The following FAM163B variants were observed in gnomAD, a reference collection of about 807,000 sequenced individuals.
FAM163B encodes protein FAM163B.
In FAM163B, 4 loss-of-function variants were observed where a neutral mutation model predicts 7.6. That is an observed-to-expected ratio of 0.52 (90% confidence interval 0.26 to 1.20). The LOEUF is 1.20. Among genes scored for constraint, FAM163B ranks in the 50% most tolerant of loss-of-function variants. The probability of loss-of-function intolerance (pLI) is 0.14; values close to 1 mark genes in which losing one functional copy is unlikely to be tolerated. For missense variants in FAM163B, 250 were observed against 243.0 expected (o/e 1.03, Z -0.19); for synonymous variants, 120 against 111.6 (o/e 1.07, Z -0.47).
At chr9:133,592,023 G>A (rs995106189) in intron 1 of FAM163B, among the ~76,000 whole-genome samples, 4 of 152,116 alleles carry the variant, frequency 2.6e-5, no homozygotes, top group African/African-American at 9.7e-5. Flanking sequence ...CCTAGTGCTC[G>A]CGGCCTGGCC....
intron 1 of FAM163B, among the ~76,000 whole-genome samples, chr9:133,589,628 G>GCA (rs567978572): frequency 1.9e-4 from 25 of 132,804 alleles, no homozygotes; most frequent in East Asian, 1.5e-3. Flanking sequence ...GACACAGCGC[G>GCA]CACACACACA....
At chr9:133,580,905 C>A (rs1336009182) in intron 1 of FAM163B, among the ~76,000 whole-genome samples, 1 of 152,186 alleles carries the variant, frequency 6.6e-6, no homozygotes, top group Non-Finnish European at 1.5e-5. Flanking sequence ...AACTGAAAAC[C>A]AATTCCTGCC....
At chr9:133,604,541 A>C (rs1831767297) in intron 1 of FAM163B, among the ~76,000 whole-genome samples, 2 of 152,196 alleles carry the variant, frequency 1.3e-5, no homozygotes. Context: ...CTCTTACTGC[A>C]AGCATGTATT....
At chr9:133,607,380 A>G (rs1399313320) in intron 1 of FAM163B, among the ~76,000 whole-genome samples, 1 of 151,866 alleles carries the variant, frequency 6.6e-6, no homozygotes, top group African/African-American at 2.4e-5. Flanking sequence ...TGTGTTGGGG[A>G]CTCCAGCCTC....
intron 1 of FAM163B, among the ~76,000 whole-genome samples, chr9:133,595,106 A>G (rs1001423819): frequency 1.3e-5 from 2 of 152,126 alleles, no homozygotes; most frequent in African/African-American, 4.8e-5. Context: ...ACGTGCATCG[A>G]GTAGCCTGGG....
intron 1 of FAM163B, among the ~76,000 whole-genome samples, chr9:133,599,395 A>G (rs1002398756): frequency 6.6e-6 from 1 of 152,136 alleles, no homozygotes; most frequent in Non-Finnish European, 1.5e-5. Flanking sequence ...ACCCCACTGC[A>G]AGCCCGACAG....
intron 1 of FAM163B, among the ~76,000 whole-genome samples, chr9:133,607,484 G>A (rs1244849623): frequency 1.3e-5 from 2 of 152,200 alleles, no homozygotes; most frequent in African/African-American, 2.4e-5. Flanking sequence ...AGGATTCTGA[G>A]TGGTGTCAGC....
At position 133,577,089 on chromosome 9, in the gene FAM163B, A is replaced by G. The variant is rs890765987; in HGVS notation, c.*1933T>C. Among the ~76,000 whole-genome samples the G allele has an allele frequency of 5.9e-5, 9 of 152,120 alleles. No individual in the cohort carries two copies. Among genetic ancestry groups the G allele is most frequent in the Admixed American group, 2.0e-4 (3 of 15,278 alleles). On this transcript the variant is annotated 3_prime_UTR_variant, in exon 3 of 3. Coordinates refer to ENST00000673969, the MANE Select transcript of FAM163B (RefSeq NM_001080515.3). Reference sequence around the variant, plus strand: ...AAGACGCTGCACGAGAGTGTGGGAGATGTTTTATTGGCTTTCACTTTCCTC... The same window carrying G: ...AAGACGCTGCACGAGAGTGTGGGAGGTGTTTTATTGGCTTTCACTTTCCTC...
intron 1 of FAM163B, among the ~76,000 whole-genome samples, chr9:133,598,208 A>G (rs1427255389): frequency 4.6e-5 from 7 of 152,010 alleles, no homozygotes; most frequent in African/African-American, 1.7e-4. Context: ...TTGTCTTGTT[A>G]GAGGCAGGGT....
chr9:133,580,009 A>T, intron 2 of FAM163B, 122 bp downstream of exon 2: 1 of 783,666 alleles, frequency 1.3e-6, no homozygotes, highest in Non-Finnish European at 2.1e-6. Context: ...CTTCTCTGCC[A>T]CAGGGCTCTT....
intron 1 of FAM163B, among the ~76,000 whole-genome samples, chr9:133,590,099 CCCCTTCCCTT>C (rs1404819218): frequency 2.8e-5 from 1 of 35,626 alleles, no homozygotes; most frequent in Non-Finnish European, 6.1e-5. Context: ...CCTTCCCCTT[CCCCTTCCCTT>C]CCCCTCCCCT....
At chr9:133,586,111 C>T (rs532343856) in intron 1 of FAM163B, 4 of 152,238 alleles carry the variant, frequency 2.6e-5, no homozygotes, top group African/African-American at 4.8e-5. Context: ...AATAAACAGA[C>T]GAGGAAGTGC....
chr9:133,599,969 GT>G (rs1831693196), intron 1 of FAM163B, among the ~76,000 whole-genome samples: 1 of 106,070 alleles, frequency 9.4e-6, no homozygotes, highest in African/African-American at 3.5e-5. Context: ...GTGTGCATGT[GT>G]GTGTGTCTGT....
chr9:133,588,057 G>A (rs1249499670), intron 1 of FAM163B, among the ~76,000 whole-genome samples: 7 of 152,196 alleles, frequency 4.6e-5, no homozygotes, highest in African/African-American at 1.7e-4. Flanking sequence ...CAGGAAGCCA[G>A]GAGCAGCCAC....
Position 133,590,120 on chromosome 9 carries a change from TCCCCTCCCCTTCCCCTC to T in FAM163B, c.-23-9891_-23-9875del, listed in dbSNP as rs1831524867. Among the ~76,000 whole-genome samples the T allele has an allele frequency of 3.4e-4, 7 of 20,686 alleles. 1 individual carries two copies. The highest frequency in any genetic ancestry group is 1.3e-3 in the African/African-American group (7 of 5,560). The allele number at this position is 20,686 out of a possible 152,430, so 13.6% of individuals were successfully genotyped here. A position where few individuals can be genotyped will look rare whatever the true frequency, so the allele number is the denominator to read the frequency against. ...CCTTCCCCTTCCCTTCCCCTCCCCT[TCCCCTCCCCTTCCCCTC>T]CCCTTCCCCTCCCCTTCCCCTCCCC... On this transcript the variant is annotated intron_variant, in intron 1 of 2. Transcript: ENST00000673969.
intron 1 of FAM163B, among the ~76,000 whole-genome samples, chr9:133,596,381 T>A (rs995905209): frequency 2.0e-5 from 3 of 146,830 alleles, no homozygotes; most frequent in Non-Finnish European, 4.5e-5. Context: ...GAGATGACAG[T>A]AGAAGTCTCC....
chr9:133,598,243 G>C (rs949298929), intron 1 of FAM163B, among the ~76,000 whole-genome samples: 10 of 152,008 alleles, frequency 6.6e-5, no homozygotes, highest in African/African-American at 2.4e-4. Flanking sequence ...CTCCTCAGGG[G>C]CTCTCCCCCT....
chr9:133,592,655 G>C (rs1391659090), intron 1 of FAM163B, among the ~76,000 whole-genome samples: 1 of 152,228 alleles, frequency 6.6e-6, no homozygotes, highest in African/African-American at 2.4e-5. Context: ...TGGTCCTGCA[G>C]CCTTGCAGAT....
chr9:133,579,456 C>A, intron 2 of FAM163B, 27 bp from the exon 3 acceptor site: 1 of 1,542,582 alleles, frequency 6.5e-7, no homozygotes, highest in Non-Finnish European at 8.7e-7. Context: ...GGTGACCATG[C>A]GGCCGCCCGC....
Sources: gnomAD v4.1 joint callset for allele counts (sites outside exome capture counted in the v4.1 genomes callset) on GRCh38, gnomAD v4.1.1 for gene constraint, MANE v1.5 for transcripts, NCBI Gene and HGNC (gene_info 2026-07-23, HGNC 2026-07-21) for gene names.